Variants in ATP23 observed in about 807,000 individuals in gnomAD.
The protein encoded by ATP23 is mitochondrial inner membrane protease ATP23 homolog.
In ATP23, 24 loss-of-function variants were observed where a neutral mutation model predicts 28.5. That is an observed-to-expected ratio of 0.84 (90% confidence interval 0.61 to 1.18). The LOEUF (loss-of-function observed/expected upper bound fraction) is 1.18, where lower values mean the gene tolerates loss of function less well. Among genes scored for constraint, ATP23 ranks in the 50% most tolerant of loss-of-function variants. ATP23 has a pLI of 0.00. For synonymous variants in ATP23, 99 were observed against 108.6 expected, an observed-to-expected ratio of 0.91 and a Z score of 0.55; for missense variants, 274 against 306.4, an observed-to-expected ratio of 0.89 and a Z score of 0.79.
At chr12:57,950,674 G>T (rs549435686) in intron 3 of ATP23, among the ~76,000 whole-genome samples, 17 of 152,014 alleles carry the variant, frequency 1.1e-4, no homozygotes, top group African/African-American at 4.1e-4. Context: ...ATAGGCATGT[G>T]CCACCATGCC....
At chr12:57,951,669 G>A in intron 3 of ATP23, 89 bp from the exon 4 acceptor site, 2 of 1,436,680 alleles carry the variant, frequency 1.4e-6, no homozygotes, top group South Asian at 1.2e-5. Context: ...AGCTTGTGGG[G>A]GAGAGGTGAG....
At chr12:57,956,549 T>C (rs1956868737) in intron 5 of ATP23, 138 bp from the exon 6 acceptor site, 6 of 745,254 alleles carry the variant, frequency 8.1e-6, no homozygotes, top group Middle Eastern at 8.0e-4. Context: ...CATTTTGTTT[T>C]CTTCTTTGGA....
chr12:57,953,709 C>T lies in ATP23; in HGVS notation c.537+20C>T, dbSNP rs1451840530. On this transcript the variant is annotated intron_variant, in intron 5 of 5. Coordinates refer to ENST00000300145, the MANE Select transcript of ATP23 (RefSeq NM_033276.4). ...CACCAGGTAAAAACTAATATGAAAT[C>T]ACTTCCCCTCCAGAGTGTTACGAGT... The T allele has an allele frequency of 2.5e-6, 4 of 1,574,572 alleles. No homozygotes were observed. The African/African-American group carries it at 4.1e-5, about 16-fold the overall frequency.
At chr12:57,943,058 G>A (rs778111545) in intron 1 of ATP23, among the ~76,000 whole-genome samples, 13 of 152,292 alleles carry the variant, frequency 8.5e-5, no homozygotes, top group Admixed American at 2.0e-4. Context: ...GGGATTACCT[G>A]CTTGTAGAGA....
In ATP23 at chr12:57,941,842, C is replaced by T. The variant is rs1195721399; in HGVS notation, c.141C>T (p.Thr47=). The part of the protein sequence containing the change: ...PQQGFFSSFF[T]SNQKCQLRLL... ...AAGGGTTCTTCTCCAGCTTCTTCACCAGCAACCAGAAGTGCCAGCTTAGGC... is the reference window on the plus strand; with the variant it reads ...AAGGGTTCTTCTCCAGCTTCTTCACTAGCAACCAGAAGTGCCAGCTTAGGC... Residue 47 remains threonine, a synonymous_variant, in exon 1 of 6, where the codon ACC becomes ACT. Coordinates refer to ENST00000300145, the MANE Select transcript of ATP23 (RefSeq NM_033276.4). 3.7e-6 allele frequency: 6 copies of T among 1,612,868 alleles called. No homozygotes were observed. Among genetic ancestry groups the T allele is most frequent in the Non-Finnish European group, 5.1e-6 (6 of 1,179,554 alleles).
intron 3 of ATP23, among the ~76,000 whole-genome samples, chr12:57,948,544 A>G (rs1956785186): frequency 1.3e-5 from 2 of 152,148 alleles, no homozygotes. Flanking sequence ...TGGCCTCCCA[A>G]ACTGCTAGGA....
chr12:57,956,721 T>C lies in ATP23; in HGVS notation c.572T>C (p.Leu191Pro). 1 of 1,613,964 alleles carries C rather than the reference T, an allele frequency of 6.2e-7. No homozygotes were observed. The change falls in exon 6 of 6, where the codon CTG (leucine) becomes CCG (proline). Residue 191 changes from leucine to proline, a missense_variant. Coordinates refer to ENST00000300145, the MANE Select transcript of ATP23 (RefSeq NM_033276.4). ...CVRDRATLSI[L>P]AVRNISKEVA... ...CGAGACAGAGCCACTCTTTCTATCC[T>C]GGCTGTTAGGAATATCAGCAAAGAA... is the stretch of plus-strand genomic sequence containing the variant.
At chr12:57,952,037 C>A in intron 4 of ATP23, 142 bp downstream of exon 4, 1 of 1,007,028 alleles carries the variant, frequency 9.9e-7, no homozygotes, top group East Asian at 2.5e-5. Context: ...CATTGAATAC[C>A]ATTTTTGATA....
At chr12:57,948,532 C>T (rs1364755814) in intron 3 of ATP23, among the ~76,000 whole-genome samples, 2 of 152,206 alleles carry the variant, frequency 1.3e-5, no homozygotes, top group Non-Finnish European at 2.9e-5. Flanking sequence ...ATCCACCCAT[C>T]TTGGCCTCCC....
rs769375166 is a variant in ATP23 at position 57,947,095 on chromosome 12, T to C, written c.315+19T>C. The C allele has an allele frequency of 6.2e-6, 10 of 1,610,334 alleles. No homozygotes were observed. The highest frequency in any genetic ancestry group is 8.5e-6 in the Non-Finnish European group (10 of 1,177,014). On this transcript the variant is annotated intron_variant, in intron 3 of 5. Coordinates refer to ENST00000300145, the MANE Select transcript of ATP23 (RefSeq NM_033276.4). ...ATCTCAGGTAGGCATTATTGCCAAA[T>C]TGTTTCCTTCCCTTTAATCCTCTCT...
At chr12:57,955,166 A>G (rs550445301) in intron 5 of ATP23, among the ~76,000 whole-genome samples, 1 of 152,214 alleles carries the variant, frequency 6.6e-6, no homozygotes, top group East Asian at 1.9e-4. Context: ...GAGTTTGAAA[A>G]ATTCCTTAAA....
chr12:57,948,724 AC>A (rs1956787242), intron 3 of ATP23, among the ~76,000 whole-genome samples: 2 of 152,276 alleles, frequency 1.3e-5, no homozygotes, highest in South Asian at 4.1e-4. Flanking sequence ...CATTACTAGG[AC>A]TTCAGAAGCC....
chr12:57,947,195 A>G, intron 3 of ATP23, 119 bp downstream of exon 3: 1 of 893,208 alleles, frequency 1.1e-6, no homozygotes, highest in Non-Finnish European at 1.7e-6. Flanking sequence ...AAAAAAGTGA[A>G]TTAGTTATCC....
chr12:57,956,133 A>G (rs1956864225), intron 5 of ATP23, among the ~76,000 whole-genome samples: 2 of 152,146 alleles, frequency 1.3e-5, no homozygotes, highest in African/African-American at 4.8e-5. Context: ...ACAATCAGGA[A>G]AAAAAAGTTG....
chr12:57,946,398 G>A (rs1956761019), intron 2 of ATP23, among the ~76,000 whole-genome samples: 2 of 151,698 alleles, frequency 1.3e-5, no homozygotes, highest in South Asian at 4.2e-4. Flanking sequence ...CTGGCCCAAG[G>A]GCAGGAACTC....
Position 57,945,642 on chromosome 12 carries a change from C to A in ATP23, c.202C>A (p.Leu68Ile), listed in dbSNP as rs777051750. 6.2e-7 allele frequency: 1 copy of A among 1,613,536 alleles called. No homozygotes were observed. The highest frequency in any genetic ancestry group is 1.7e-5 in the Admixed American group (1 of 59,972). Residue 68 changes from leucine to isoleucine, a missense_variant, in exon 2 of 6, where the codon CTT (leucine) becomes ATT (isoleucine). Leu to Ile is a conservative substitution (Grantham distance 5). Coordinates refer to ENST00000300145, the MANE Select transcript of ATP23 (RefSeq NM_033276.4). ...KTLETNPYVK[L>I]LLDAMKHSGC... Reference sequence around the variant, plus strand: ...ATCTTTTTTAGATCCATATGTCAAACTTCTGCTTGATGCTATGAAACACTC... The same window carrying A: ...ATCTTTTTTAGATCCATATGTCAAAATTCTGCTTGATGCTATGAAACACTC...
intron 1 of ATP23, among the ~76,000 whole-genome samples, chr12:57,943,987 T>C (rs533553101): frequency 1.8e-4 from 27 of 151,450 alleles, no homozygotes; most frequent in African/African-American, 6.0e-4. Flanking sequence ...GTCTCTTTTT[T>C]TTTTTTTTTT....
rs1956818923 is a variant in ATP23, at chr12:57,951,854, G to A, written c.412G>A (p.Val138Ile). The stretch of plus-strand genomic sequence containing the variant: ...TGCATTTGATCATTGTCGTGCCCAT[G>A]TCGACTGGTTCACCAACATCAGACA... ...IHAFDHCRAH[V>I]DWFTNIRHLA... Residue 138 changes from valine (V) to isoleucine (I), a missense_variant, in exon 4 of 6, where the codon GTC becomes ATC. Coordinates refer to ENST00000300145, the MANE Select transcript of ATP23 (RefSeq NM_033276.4). 6.2e-7 allele frequency: 1 copy of A among 1,614,186 alleles called. No homozygotes were observed. The highest frequency in any genetic ancestry group is 1.7e-5 in the Admixed American group (1 of 60,008).
rs773590288 is a variant in ATP23 at position 57,956,880 on chromosome 12, C to G, written c.731C>G (p.Ser244Ter). 1.2e-6 allele frequency: 2 copies of G among 1,604,860 alleles called. No individual in the cohort carries two copies. Among genetic ancestry groups the G allele is most frequent in the Non-Finnish European group, 1.7e-6 (2 of 1,177,304 alleles). The change falls in exon 6 of 6, where the codon TCA (serine) becomes TGA (stop). Residue 244 changes from serine to a stop codon, truncating the protein, a stop_gained. Transcript: ENST00000300145. LOFTEE classifies it high-confidence loss of function. ...TTTGAAAACCGTGATCGGTATTATTCAAATATATGAGCACAATGACATTTT... is the reference window on the plus strand; with the variant it reads ...TTTGAAAACCGTGATCGGTATTATTGAAATATATGAGCACAATGACATTTT... ...RDFENRDRYY[S>*]NI
Sources: allele counts gnomAD v4.1 joint callset (sites outside exome capture counted in the v4.1 genomes callset), GRCh38; gene constraint gnomAD v4.1.1; transcripts MANE v1.5; gene names NCBI Gene and HGNC (gene_info 2026-07-23, HGNC 2026-07-21).